Variants in HNF1A observed in about 807,000 individuals in gnomAD.
HNF1A encodes hepatocyte nuclear factor 1-alpha.
In HNF1A, 21 loss-of-function variants were observed where a neutral mutation model predicts 62.2. That is an observed-to-expected ratio of 0.34 (90% CI 0.24 to 0.49). The LOEUF (loss-of-function observed/expected upper bound fraction) is 0.49. HNF1A is among the 20% of genes least tolerant of loss of function. The probability of loss-of-function intolerance (pLI) is 0.99; values close to 1 mark genes in which losing one functional copy is unlikely to be tolerated. For missense variants in HNF1A, 687 were observed against 832.3 expected (o/e 0.83, Z 2.15); for synonymous variants, 374 against 366.8 (o/e 1.02, Z -0.22).
At chr12:120,985,451 G>C (rs2135827704) in intron 1 of HNF1A, among the ~76,000 whole-genome samples, 1 of 148,928 alleles carries the variant, frequency 6.7e-6, no homozygotes, top group South Asian at 2.1e-4. Context: ...TTTGAGACCA[G>C]CCTGGCCAAC....
chr12:120,994,494 T>C, intron 4 of HNF1A, 89 bp downstream of exon 4: 1 of 1,460,264 alleles, frequency 6.8e-7, no homozygotes, highest in Non-Finnish European at 9.2e-7. Context: ...TAAACCTCTT[T>C]GCACTTCAGT....
rs563344243 is a variant in HNF1A at position 120,986,012 on chromosome 12, T to C, written c.327-2821T>C. ...AAAAAAAACTAAATAAAAATAAATA[T>C]CATGTATGCATATATAGTATATATT... On this transcript the variant is annotated intron_variant, in intron 1 of 9. Transcript: ENST00000257555. Among the ~76,000 whole-genome samples the C allele has an allele frequency of 5.9e-5, 9 of 151,626 alleles. No individual in the cohort carries two copies. In the East Asian group the frequency reaches 9.7e-4, roughly 16 times the overall value.
intron 1 of HNF1A, 96 bp downstream of exon 1, chr12:120,979,190 C>A: frequency 9.0e-7 from 1 of 1,110,358 alleles, no homozygotes; most frequent in Non-Finnish European, 1.3e-6. Context: ...TCCCCATGAC[C>A]TTCAGCCTTT....
intron 2 of HNF1A, among the ~76,000 whole-genome samples, chr12:120,990,831 A>G (rs1006296772): frequency 2.6e-4 from 39 of 152,232 alleles, no homozygotes; most frequent in African/African-American, 9.2e-4. Context: ...TGGAATTCCC[A>G]GACTCTTGTG....
At chr12:120,990,559 G>T (rs1360918980) in intron 2 of HNF1A, among the ~76,000 whole-genome samples, 1 of 150,366 alleles carries the variant, frequency 6.7e-6, no homozygotes, top group Non-Finnish European at 1.5e-5. Flanking sequence ...GGACAACATG[G>T]CAAGGTTCCT....
Position 120,993,626 on chromosome 12 carries a change from G to A in HNF1A, c.633G>A (p.Gln211=), listed in dbSNP as rs1240560273. Residue 211 remains glutamine (Q), a synonymous_variant, in exon 3 of 10, where the codon CAG becomes CAA. Coordinates refer to ENST00000257555, the MANE Select transcript of HNF1A (RefSeq NM_000545.8). Reference sequence around the variant, plus strand: ...GTTTCAAGTGGGGCCCAGCATCCCAGCAGATCCTGTTCCAGGCCTATGAGA... The same window carrying A: ...GTTTCAAGTGGGGCCCAGCATCCCAACAGATCCTGTTCCAGGCCTATGAGA... ...RNRFKWGPAS[Q]QILFQAYERQ... 3 of 1,614,066 alleles carry A rather than the reference G, an allele frequency of 1.9e-6. No homozygotes were observed. The African/African-American group carries it at 4.0e-5, about 22-fold the overall frequency.
At position 120,999,326 on chromosome 12, in the gene HNF1A, G is replaced by C. The variant is rs1877296271; in HGVS notation, c.1560G>C (p.Gln520His). Residue 520 changes from glutamine (Q) to histidine (H), a missense_variant, in exon 8 of 10, where the codon CAG becomes CAC. Around this residue, in one of 5 missense-constraint regions of HNF1A, gnomAD observed 408 missense variants for 455.3 expected, o/e 0.90. Coordinates refer to ENST00000257555, the MANE Select transcript of HNF1A (RefSeq NM_000545.8). ...AQYTHTGLLP[Q>H]TMLITDTTNL... ...ACACCCACACGGGCCTGCTCCCGCA[G>C]ACTATGCTCATCACCGACACCACCA... 6.2e-7 allele frequency: 1 copy of C among 1,613,880 alleles called. No homozygotes were observed. Among genetic ancestry groups the C allele is most frequent in the African/African-American group, 1.3e-5 (1 of 74,922 alleles).
Position 120,988,854 on chromosome 12 carries a change from G to A in HNF1A, c.348G>A (p.Ala116=), listed in dbSNP as rs760910961. The A allele has an allele frequency of 5.0e-6, 8 of 1,614,220 alleles. No individual in the cohort carries two copies. Among genetic ancestry groups the A allele is most frequent in the East Asian group, 4.5e-5 (2 of 44,882 alleles). ...TLLQEDPWRV[A]KMVKSYLQQH... The stretch of plus-strand genomic sequence containing the variant: ...CCAGGGAGGACCCGTGGCGTGTGGC[G>A]AAGATGGTCAAGTCCTACCTGCAGC... Residue 116 remains alanine (A), a synonymous_variant, in exon 2 of 10, where the codon GCG becomes GCA. Transcript: ENST00000257555.
At chr12:120,989,278 A>C (rs1237919041) in intron 2 of HNF1A, among the ~76,000 whole-genome samples, 1 of 151,982 alleles carries the variant, frequency 6.6e-6, no homozygotes, top group Admixed American at 6.6e-5. Flanking sequence ...CTTTTTTTAG[A>C]TAGAGTTTTG....
At position 121,001,056 on chromosome 12, in the gene HNF1A, C is replaced by T. The variant is rs2135854336; in HGVS notation, c.1769-9C>T. ...GGTGGGTGGCTAGCAGCCTTGTTTG[C>T]CTCTGCAGTGTCCTCCAGCAGCCTG... On this transcript the variant is annotated splice_polypyrimidine_tract_variant and intron_variant, in intron 9 of 9. Coordinates refer to ENST00000257555, the MANE Select transcript of HNF1A (RefSeq NM_000545.8). 1 of 1,612,844 alleles carries T rather than the reference C, an allele frequency of 6.2e-7. No individual in the cohort carries two copies. Among genetic ancestry groups the T allele is most frequent in the Non-Finnish European group, 8.5e-7 (1 of 1,179,774 alleles).
At chr12:120,986,621 C>T (rs1343153736) in intron 1 of HNF1A, among the ~76,000 whole-genome samples, 1 of 152,198 alleles carries the variant, frequency 6.6e-6, no homozygotes. Flanking sequence ...ACTCTGTTGC[C>T]CAGGCTGGAA....
intron 2 of HNF1A, among the ~76,000 whole-genome samples, chr12:120,992,110 T>A (rs1471317240): frequency 6.6e-6 from 1 of 152,204 alleles, no homozygotes; most frequent in East Asian, 1.9e-4. Flanking sequence ...TCAAATGGAT[T>A]TAAACAGAAA....
chr12:121,001,621 A>G lies in HNF1A; in HGVS notation c.*429A>G. ...TGTAGCTGTGACCTGCTGAGCTCTG[A>G]GAGGCCCTGGATCAGCGTGGCCTTG... is the stretch of plus-strand genomic sequence containing the variant. On this transcript the variant is annotated 3_prime_UTR_variant, in exon 10 of 10. Transcript: ENST00000257555. 2.3e-6 allele frequency: 1 copy of G among 440,382 alleles called. No individual in the cohort carries two copies. 27.3% of individuals were successfully genotyped at this position (440,382 alleles called of 1,614,324 possible). A position where few individuals can be genotyped will look rare whatever the true frequency, so the allele number is the denominator to read the frequency against.
At position 120,996,247 on chromosome 12, in the gene HNF1A, T is replaced by C; in HGVS notation, c.956-15T>C. On this transcript the variant is annotated splice_polypyrimidine_tract_variant and intron_variant, in intron 4 of 9. Coordinates refer to ENST00000257555, the MANE Select transcript of HNF1A (RefSeq NM_000545.8). The surrounding 1 kb of genome is among the most constrained non-coding windows in gnomAD (Gnocchi z 4.5). ...GAAGTGGGGTGCTGAGGCAGGACAC[T>C]GCTTCCCTCTCCAGGTGTGCGCTAT... 6.2e-7 allele frequency: 1 copy of C among 1,613,780 alleles called. No homozygotes were observed. The highest frequency in any genetic ancestry group is 1.3e-5 in the African/African-American group (1 of 75,046).
chr12:120,998,701 G>A (rs1331390877), intron 7 of HNF1A, among the ~76,000 whole-genome samples: 1 of 152,142 alleles, frequency 6.6e-6, no homozygotes, highest in Non-Finnish European at 1.5e-5. Context: ...CTGAGGGGTG[G>A]GTGGAGGTGC....
In HNF1A at chr12:120,991,640, T is replaced by TATGC. The variant is rs1305324726; in HGVS notation, c.527-1862_527-1859dup. Among the ~76,000 whole-genome samples the TATGC allele has an allele frequency of 6.3e-3, 884 of 140,220 alleles. 1 individual carries two copies. Among genetic ancestry groups the TATGC allele is most frequent in the Middle Eastern group, 0.019 (5 of 262 alleles). 92.0% of individuals were successfully genotyped at this position (140,220 alleles called of 152,430 possible). ...TGTATGTATGTATGATGTATGTATGTATGCATGCATGCATGCATGCAATAG... is the reference window on the plus strand; with the variant it reads ...TGTATGTATGTATGATGTATGTATGTATGCATGCATGCATGCATGCATGCAATAG... On this transcript the variant is annotated intron_variant, in intron 2 of 9. Transcript: ENST00000257555.
At chr12:120,983,241 C>T (rs1876341212) in intron 1 of HNF1A, among the ~76,000 whole-genome samples, 1 of 152,198 alleles carries the variant, frequency 6.6e-6, no homozygotes, top group African/African-American at 2.4e-5. Context: ...CCAAGGGTCT[C>T]CAGGGCTGCA....
rs1278745892 is a variant in HNF1A, at chr12:121,001,434, T to C, written c.*242T>C. On this transcript the variant is annotated 3_prime_UTR_variant, in exon 10 of 10. Transcript: ENST00000257555. ...GAGAGCTAGGAGCAAAGCCTGTTCA[T>C]GGCAGATGTAGGAGGGACTGTCGCT... 1.4e-5 allele frequency: 8 copies of C among 556,494 alleles called. No individual in the cohort carries two copies. The highest frequency in any genetic ancestry group is 2.3e-5 in the Non-Finnish European group (7 of 308,610). The allele number at this position is 556,494 out of a possible 1,614,324, so 34.5% of individuals were successfully genotyped here.
rs776694486 is a variant in HNF1A, at chr12:120,978,836, A to G, written c.68A>G (p.Lys23Arg). The change falls in exon 1 of 10, where the codon AAA becomes AGA. Residue 23 changes from lysine (K) to arginine (R), a missense_variant. Lys to Arg is a conservative substitution (Grantham distance 26, BLOSUM62 2). Coordinates refer to ENST00000257555, the MANE Select transcript of HNF1A (RefSeq NM_000545.8). ...LAALLESGLS[K>R]EALIQALGEP... The stretch of plus-strand genomic sequence containing the variant: ...GCCCTGCTCGAGTCAGGGCTGAGCA[A>G]AGAGGCACTGATCCAGGCACTGGGT... The G allele has an allele frequency of 6.2e-7, 1 of 1,613,302 alleles. No individual in the cohort carries two copies. The highest frequency in any genetic ancestry group is 1.1e-5 in the South Asian group (1 of 91,078).
Sources: gnomAD v4.1 joint callset for allele counts (sites outside exome capture counted in the v4.1 genomes callset) on GRCh38, gnomAD v4.1.1 for gene constraint, gnomAD v4.1.1 regional missense constraint, Gnocchi (gnomAD v3.1) non-coding constraint, MANE v1.5 for transcripts, NCBI Gene and HGNC (gene_info 2026-07-23, HGNC 2026-07-21) for gene names.